RIC1: variants seen among roughly 807,000 people sequenced by gnomAD.
RIC1 encodes the protein RIC1 partner of RAB6A GEF complex.
A neutral mutation model predicts 169.0 loss-of-function variants in RIC1; 88 were observed. The ratio of observed to expected loss-of-function variants is 0.52; its 90% CI spans 0.44 to 0.62. RIC1 has a LOEUF of 0.62. Ranked by LOEUF, RIC1 falls within the 20% of genes least tolerant of loss-of-function variation. The pLI, the probability that RIC1 is intolerant of heterozygous loss-of-function variation, is 0.00. For synonymous variants in RIC1, 790 were observed against 601.5 expected, an observed-to-expected ratio of 1.31 and a Z score of -4.59; for missense variants, 1,877 against 1,725.5, an observed-to-expected ratio of 1.09 and a Z score of -1.56.
chr9:5,672,852 T>C (rs1219402969), intron 2 of RIC1, among the ~76,000 whole-genome samples: 1 of 152,080 alleles, frequency 6.6e-6, no homozygotes, highest in East Asian at 1.9e-4. Flanking sequence ...GAGAATCACA[T>C]TGACAATAGA....
At chr9:5,629,553 C>T (rs1264521811) in intron 1 of RIC1, 100 bp downstream of exon 1, 4 of 1,259,184 alleles carry the variant, frequency 3.2e-6, no homozygotes, top group South Asian at 1.7e-5. Flanking sequence ...CCTGCCCCTT[C>T]GTGCCAGACC....
At chr9:5,690,178 G>T in intron 3 of RIC1, 140 bp downstream of exon 3, 1 of 488,726 alleles carries the variant, frequency 2.0e-6, no homozygotes, top group Non-Finnish European at 3.5e-6. Flanking sequence ...AAAATTACCA[G>T]GTCTTTGAAC....
At chr9:5,636,327 C>T (rs1817969350) in intron 1 of RIC1, among the ~76,000 whole-genome samples, 2 of 151,298 alleles carry the variant, frequency 1.3e-5, no homozygotes, top group African/African-American at 2.4e-5. Context: ...TTTTCTTTTT[C>T]TGTTTTTTTT....
chr9:5,758,457 G>A (rs1364436453), intron 17 of RIC1, among the ~76,000 whole-genome samples: 1 of 152,056 alleles, frequency 6.6e-6, no homozygotes, highest in African/African-American at 2.4e-5. Context: ...TCCAGTTATG[G>A]GGAATTTAAT....
At chr9:5,677,997 CTG>C (rs1820559004) in intron 2 of RIC1, among the ~76,000 whole-genome samples, 1 of 151,996 alleles carries the variant, frequency 6.6e-6, no homozygotes, top group Non-Finnish European at 1.5e-5. Flanking sequence ...TCCCTCCCCC[CTG>C]CCCCCACCCC....
At chr9:5,768,911 A>C (rs1826994686) in intron 21 of RIC1, 59 bp from the exon 22 acceptor site, 1 of 1,525,322 alleles carries the variant, frequency 6.6e-7, no homozygotes, top group African/African-American at 1.4e-5. Flanking sequence ...CTGCGTAATA[A>C]GGATGTGAAA....
chr9:5,727,632 G>C (rs1824081405), intron 6 of RIC1, among the ~76,000 whole-genome samples: 1 of 152,314 alleles, frequency 6.6e-6, no homozygotes, highest in Non-Finnish European at 1.5e-5. Context: ...CTGATTTTTA[G>C]AATTTTAGCT....
At position 5,731,571 on chromosome 9, in the gene RIC1, T is replaced by A. The variant is rs533218348; in HGVS notation, c.721-817T>A. ...TTTCTGCTAACTGAACTAATGATTATGACCTTTGCCTTGGAATTTATCATC... is the reference window on the plus strand; with the variant it reads ...TTTCTGCTAACTGAACTAATGATTAAGACCTTTGCCTTGGAATTTATCATC... On this transcript the variant is annotated intron_variant, in intron 6 of 25. Coordinates refer to ENST00000414202, the MANE Select transcript of RIC1 (RefSeq NM_020829.4). 4.3e-4 allele frequency among the ~76,000 whole-genome samples: 65 copies of A among 152,318 alleles called. 2 individuals are homozygous for A. In the South Asian group the frequency reaches 0.013, roughly 31 times the overall value.
intron 1 of RIC1, among the ~76,000 whole-genome samples, chr9:5,649,688 A>T (rs1818699660): frequency 6.8e-6 from 1 of 147,496 alleles, no homozygotes; most frequent in Non-Finnish European, 1.5e-5. Flanking sequence ...TTTTTATTAG[A>T]ATCTGTTGCT....
At position 5,651,704 on chromosome 9, in the gene RIC1, C is replaced by G. The variant is rs529963549; in HGVS notation, c.145-4879C>G. Reference sequence around the variant, plus strand: ...TCAGCCTCCCGAGTAGCTGAGATTACAGGTGCATGCCACCATGCCCAGCTA... The same window carrying G: ...TCAGCCTCCCGAGTAGCTGAGATTAGAGGTGCATGCCACCATGCCCAGCTA... On this transcript the variant is annotated intron_variant, in intron 1 of 25. Transcript: ENST00000414202. Among the ~76,000 whole-genome samples, 63 of 151,852 alleles carry G rather than the reference C, an allele frequency of 4.1e-4. 1 individual carries two copies. The highest frequency in any genetic ancestry group is 1.4e-3 in the African/African-American group (58 of 41,426).
At chr9:5,715,044 G>A (rs151322630) in intron 4 of RIC1, among the ~76,000 whole-genome samples, 1,551 of 152,216 alleles carry the variant, frequency 0.01, 12 homozygotes, top group Middle Eastern at 0.037. Context: ...GCCTTGTTTG[G>A]TCCATCCCCT....
chr9:5,671,415 A>C (rs1362076644), intron 2 of RIC1, among the ~76,000 whole-genome samples: 1 of 151,922 alleles, frequency 6.6e-6, no homozygotes, highest in Non-Finnish European at 1.5e-5. Context: ...AGTTGGGATT[A>C]CAGGTGCTCG....
intron 8 of RIC1, among the ~76,000 whole-genome samples, chr9:5,739,434 T>C (rs1011375299): frequency 6.6e-6 from 1 of 152,122 alleles, no homozygotes; most frequent in Non-Finnish European, 1.5e-5. Context: ...TTAATATCCA[T>C]TCCCATGCCT....
At chr9:5,739,375 A>G (rs1289428384) in intron 8 of RIC1, among the ~76,000 whole-genome samples, 3 of 152,118 alleles carry the variant, frequency 2.0e-5, no homozygotes, top group African/African-American at 7.2e-5. Context: ...CAAATCAATA[A>G]ATTCAGCCTG....
chr9:5,639,422 T>C (rs1363336422), intron 1 of RIC1, among the ~76,000 whole-genome samples: 2 of 152,234 alleles, frequency 1.3e-5, no homozygotes, highest in African/African-American at 2.4e-5. Flanking sequence ...ATTGTTCTTA[T>C]TGATTTCTAG....
rs374028302 is a variant in RIC1 at position 5,722,348 on chromosome 9, A to AGAGAGT, written c.720+1599_720+1600insAGAGTG. Among the ~76,000 whole-genome samples the AGAGAGT allele has an allele frequency of 6.4e-3, 836 of 131,328 alleles. 13 individuals are homozygous for AGAGAGT. Among genetic ancestry groups the AGAGAGT allele is most frequent in the African/African-American group, 0.022 (784 of 34,846 alleles). 86.2% of individuals were successfully genotyped at this position (131,328 alleles called of 152,430 possible). A position where few individuals can be genotyped will look rare whatever the true frequency, so the allele number is the denominator to read the frequency against. On this transcript the variant is annotated intron_variant, in intron 6 of 25. Transcript: ENST00000414202. Reference sequence around the variant, plus strand: ...CTTGCAAAAACTATAAGAGAGAGAGAGTGTGTGTGTGTGTGTGTGTGTGTG... The same window carrying AGAGAGT: ...CTTGCAAAAACTATAAGAGAGAGAGAGAGAGTGTGTGTGTGTGTGTGTGTGTGTGTG...
chr9:5,720,276 A>G lies in RIC1; in HGVS notation c.535A>G (p.Ile179Val), dbSNP rs758300132. ...WEGMTNGRKA[I>V]NLCTVPFSVD... ...AGGAATGACAAATGGAAGGAAAGCCATTAATCTTTGCACAGTACCCTTTTC... is the reference window on the plus strand; with the variant it reads ...AGGAATGACAAATGGAAGGAAAGCCGTTAATCTTTGCACAGTACCCTTTTC... The change falls in exon 5 of 26, where the codon ATT becomes GTT. Residue 179 changes from isoleucine to valine, a missense_variant. By Grantham distance (29) the Ile-to-Val change is conservative. Transcript: ENST00000414202. The G allele has an allele frequency of 1.1e-5, 17 of 1,613,756 alleles. No individual in the cohort carries two copies. Among genetic ancestry groups the G allele is most frequent in the East Asian group, 2.2e-5 (1 of 44,880 alleles).
chr9:5,722,095 T>A (rs1231125161), intron 6 of RIC1, among the ~76,000 whole-genome samples: 1 of 151,812 alleles, frequency 6.6e-6, no homozygotes, highest in African/African-American at 2.4e-5. Flanking sequence ...TCCCTGTTGG[T>A]CAGGCTGGTC....
rs1043223370 is a variant in RIC1, at chr9:5,700,597, A to T, written c.332+10559A>T. Reference sequence around the variant, plus strand: ...GTATATTTATAAATATGCCTTATAAATATATAATAAATTATATATTTTGTT... The same window carrying T: ...GTATATTTATAAATATGCCTTATAATTATATAATAAATTATATATTTTGTT... On this transcript the variant is annotated intron_variant, in intron 3 of 25. Coordinates refer to ENST00000414202, the MANE Select transcript of RIC1 (RefSeq NM_020829.4). 1.6e-3 allele frequency among the ~76,000 whole-genome samples: 235 copies of T among 151,458 alleles called. 4 individuals carry two copies. Among genetic ancestry groups the T allele is most frequent in the Non-Finnish European group, 4.1e-4 (28 of 67,824 alleles).
Sources: allele counts gnomAD v4.1 joint callset (sites outside exome capture counted in the v4.1 genomes callset), GRCh38; gene constraint gnomAD v4.1.1; transcripts MANE v1.5; gene names NCBI Gene and HGNC (gene_info 2026-07-23, HGNC 2026-07-21).